Variants in ANKRD62 observed in about 807,000 individuals in gnomAD.
The protein encoded by ANKRD62 is ankyrin repeat domain-containing protein 62.
A neutral mutation model predicts 98.8 loss-of-function variants in ANKRD62; 61 were observed. That is an observed-to-expected ratio of 0.62 (90% CI 0.50 to 0.76). The LOEUF (loss-of-function observed/expected upper bound fraction) is 0.76, where lower values mean the gene tolerates loss of function less well. Among genes scored for constraint, ANKRD62 ranks in the 30% least tolerant of loss-of-function variants. The pLI, the probability that ANKRD62 is intolerant of heterozygous loss-of-function variation, is 0.00. For missense variants in ANKRD62, 933 were observed against 1,082.9 expected, an observed-to-expected ratio of 0.86 and a Z score of 1.94; for synonymous variants, 341 against 367.9, an observed-to-expected ratio of 0.93 and a Z score of 0.84.
chr18:12,113,625 CA>C (rs796841416), intron 8 of ANKRD62, among the ~76,000 whole-genome samples: 62 of 143,754 alleles, frequency 4.3e-4, no homozygotes, highest in East Asian at 1.0e-3. Flanking sequence ...GACTCCGTCT[CA>C]AAAAAAAAAA....
the ANKRD62 span, among the ~76,000 whole-genome samples, chr18:12,158,064 C>G: frequency 6.6e-6 from 1 of 152,256 alleles, no homozygotes; most frequent in South Asian, 2.1e-4. Context: ...CAAGTCACCT[C>G]CAGGCCTGCC....
downstream of ANKRD62, among the ~76,000 whole-genome samples, chr18:12,132,070 A>T (rs886187251): frequency 6.6e-6 from 1 of 152,050 alleles, no homozygotes; most frequent in Admixed American, 6.6e-5. Context: ...CTTGTGAATA[A>T]GGTATTTTCT....
chr18:12,171,591 C>A, the ANKRD62 span, among the ~76,000 whole-genome samples: 9,772 of 152,198 alleles, frequency 0.064, 401 homozygotes, highest in Non-Finnish European at 0.1. Context: ...TCATTTTAAC[C>A]TTGGTGAATC....
Position 12,118,775 on chromosome 18 carries a change from A to G in ANKRD62, c.1240+3241A>G, listed in dbSNP as rs115030979. The stretch of plus-strand genomic sequence containing the variant: ...TTGGCTGTTTAACCACAGTTTATTC[A>G]TTCACGTATTGGAGGATGTCTTGGT... On this transcript the variant is annotated intron_variant, in intron 10 of 13. Coordinates refer to ENST00000587848, the MANE Select transcript of ANKRD62 (RefSeq NM_001277333.2). Among the ~76,000 whole-genome samples the G allele has an allele frequency of 2.3e-3, 355 of 152,240 alleles. 2 individuals carry two copies. Among genetic ancestry groups the G allele is most frequent in the African/African-American group, 8.5e-3 (351 of 41,524 alleles).
At chr18:12,103,071 G>A in intron 6 of ANKRD62, 87 bp from the exon 7 acceptor site, 3 of 942,178 alleles carry the variant, frequency 3.2e-6, no homozygotes, top group Non-Finnish European at 4.3e-6. Flanking sequence ...AGAAAAATAT[G>A]TTATTTTCTA....
intron 1 of ANKRD62, 50 bp from the exon 2 acceptor site, chr18:12,095,121 T>C (rs1413937011): frequency 3.1e-6 from 4 of 1,300,796 alleles, no homozygotes; most frequent in Non-Finnish European, 4.3e-6. Flanking sequence ...TCGTTGTATG[T>C]TTTGGGACTG....
rs2143936376 is a variant in ANKRD62, at chr18:12,128,147, G to C, written c.*208G>C. The C allele has an allele frequency of 6.9e-6, 2 of 289,852 alleles. No individual in the cohort carries two copies. Among genetic ancestry groups the C allele is most frequent in the East Asian group, 6.0e-5 (1 of 16,680 alleles). The allele number at this position is 289,852 out of a possible 1,614,324, so 18.0% of individuals were successfully genotyped here. Reference sequence around the variant, plus strand: ...GAATTACACATCATTTCTCACAGAAGATTAGAGAATTCTTTTTTCTTTTTA... The same window carrying C: ...GAATTACACATCATTTCTCACAGAACATTAGAGAATTCTTTTTTCTTTTTA... On this transcript the variant is annotated 3_prime_UTR_variant, in exon 14 of 14. Transcript: ENST00000587848.
intron 11 of ANKRD62, among the ~76,000 whole-genome samples, chr18:12,123,800 T>G (rs1184221543): frequency 2.6e-5 from 4 of 152,228 alleles, no homozygotes; most frequent in Non-Finnish European, 1.5e-5. Flanking sequence ...TTTTTAAAAT[T>G]AGCTAACTCT....
chr18:12,140,070 T>G, the ANKRD62 span, among the ~76,000 whole-genome samples: 1 of 152,248 alleles, frequency 6.6e-6, no homozygotes, highest in South Asian at 2.1e-4. Context: ...TTCTCTAAAC[T>G]TTTCTTCACG....
chr18:12,146,338 T>C, the ANKRD62 span, among the ~76,000 whole-genome samples: 1 of 152,160 alleles, frequency 6.6e-6, no homozygotes, highest in Admixed American at 6.5e-5. Flanking sequence ...TGGGATGACT[T>C]AGCCATTTCG....
the ANKRD62 span, among the ~76,000 whole-genome samples, chr18:12,156,049 C>T: frequency 2.8e-4 from 42 of 151,882 alleles, no homozygotes; most frequent in South Asian, 8.6e-3. Flanking sequence ...TACCTTCTCT[C>T]TCTCTCTCTT....
the ANKRD62 span, among the ~76,000 whole-genome samples, chr18:12,156,810 T>C: frequency 1.3e-5 from 2 of 152,212 alleles, no homozygotes; most frequent in African/African-American, 4.8e-5. Flanking sequence ...TGTACGTGGG[T>C]TGTAACTTTG....
rs1909892997 is a variant in ANKRD62, at chr18:12,126,333, C to G, written c.2512C>G (p.Leu838Val). 1.7e-5 allele frequency: 26 copies of G among 1,523,232 alleles called. No homozygotes were observed. The highest frequency in any genetic ancestry group is 2.3e-5 in the Non-Finnish European group (26 of 1,142,830). The allele number at this position is 1,523,232 out of a possible 1,614,324, so 94.4% of individuals were successfully genotyped here. Residue 838 changes from leucine to valine, a missense_variant, in exon 13 of 14, where the codon CTT becomes GTT. Leu to Val is a conservative substitution (Grantham distance 32, BLOSUM62 1). Around this residue, in one of 3 missense-constraint regions of ANKRD62, gnomAD observed 362 missense variants for 434.5 expected, o/e 0.83. Transcript: ENST00000587848. ...NNKGLMKECTLLKERQCQYEK... is the reference protein window; with the variant it reads ...NNKGLMKECTVLKERQCQYEK... ...TAAGGGGTTGATGAAGGAATGCACT[C>G]TTTTAAAAGAAAGACAATGCCAATA... is the stretch of plus-strand genomic sequence containing the variant.
chr18:12,122,827 C>G (rs1453693452), intron 11 of ANKRD62, among the ~76,000 whole-genome samples: 4 of 152,100 alleles, frequency 2.6e-5, no homozygotes, highest in Admixed American at 2.6e-4. Flanking sequence ...AAACATCTTA[C>G]AGATCCATAG....
At chr18:12,160,015 G>A in the ANKRD62 span, among the ~76,000 whole-genome samples, 6 of 152,176 alleles carry the variant, frequency 3.9e-5, no homozygotes, top group Non-Finnish European at 8.8e-5. Flanking sequence ...GGAATGGAAC[G>A]TGATCTTTCT....
intron 10 of ANKRD62, among the ~76,000 whole-genome samples, chr18:12,115,745 A>G (rs921788563): frequency 7.9e-5 from 12 of 152,076 alleles, no homozygotes; most frequent in Admixed American, 5.9e-4. Context: ...CTCAGTGTGA[A>G]TGACACTCCC....
At position 12,097,646 on chromosome 18, in the gene ANKRD62, C is replaced by G. The variant is rs1312105390; in HGVS notation, c.621C>G (p.Ala207=). The G allele has an allele frequency of 6.5e-7, 1 of 1,533,870 alleles. No homozygotes were observed. Among genetic ancestry groups the G allele is most frequent in the Non-Finnish European group, 8.7e-7 (1 of 1,145,848 alleles). ...ATTATCTTTCTTATTTTAGAACAGCCCTGATACTTGCTGCTCGTAATGGAT... is the reference window on the plus strand; with the variant it reads ...ATTATCTTTCTTATTTTAGAACAGCGCTGATACTTGCTGCTCGTAATGGAT... The part of the protein sequence containing the change: ...LTAIDNFGRT[A]LILAARNGST... Residue 207 remains alanine (A), a synonymous_variant, in exon 5 of 14, where the codon GCC becomes GCG. Transcript: ENST00000587848.
At chr18:12,116,026 C>T (rs1222778987) in intron 10 of ANKRD62, among the ~76,000 whole-genome samples, 13 of 152,026 alleles carry the variant, frequency 8.6e-5, no homozygotes, top group Admixed American at 7.2e-4. Context: ...CATTCCATAC[C>T]CTTGTTTCTC....
chr18:12,162,561 G>A, the ANKRD62 span, among the ~76,000 whole-genome samples: 3 of 152,026 alleles, frequency 2.0e-5, no homozygotes, highest in Non-Finnish European at 2.9e-5. Context: ...GGTTCCCTGT[G>A]CTTTTGGGGC....
Sources: allele counts gnomAD v4.1 joint callset (sites outside exome capture counted in the v4.1 genomes callset), GRCh38; gene constraint gnomAD v4.1.1; regional missense constraint gnomAD v4.1.1; transcripts MANE v1.5; gene names NCBI Gene and HGNC (gene_info 2026-07-23, HGNC 2026-07-21).